Variants in KLF8 observed in about 807,000 individuals in gnomAD.
The protein encoded by KLF8 is Krueppel-like factor 8.
A neutral mutation model predicts 18.2 loss-of-function variants in KLF8; 10 were observed. The ratio of observed to expected loss-of-function variants is 0.55; its 90% CI spans 0.34 to 0.93. KLF8 has a LOEUF of 0.93. Among genes scored for constraint, KLF8 ranks in the 40% least tolerant of loss-of-function variants. The probability of loss-of-function intolerance (pLI) is 0.02; values close to 1 mark genes in which losing one functional copy is unlikely to be tolerated. For missense variants in KLF8, 264 were observed against 277.9 expected (o/e 0.95, Z 0.36); for synonymous variants, 109 against 97.3 (o/e 1.12, Z -0.71).
At chrX:56,078,439 T>G in the KLF8 span, among the ~76,000 whole-genome samples, 3 of 112,275 alleles carry the variant, frequency 2.7e-5, no homozygotes, top group Non-Finnish European at 5.6e-5. Context: ...TATGCTGGAT[T>G]ACATTTATTG....
the KLF8 span, among the ~76,000 whole-genome samples, chrX:56,159,772 C>G: frequency 1.8e-5 from 2 of 111,019 alleles, no homozygotes; most frequent in Non-Finnish European, 3.8e-5. Context: ...TTTGATTCTT[C>G]TCTCTTTTCT....
chrX:55,952,943 A>T, the KLF8 span, among the ~76,000 whole-genome samples: 1 of 111,981 alleles, frequency 8.9e-6, no homozygotes, highest in African/African-American at 3.2e-5. Context: ...TGAGGTGCAT[A>T]GAGATTGTGA....
At chrX:56,089,417 C>G in the KLF8 span, among the ~76,000 whole-genome samples, 1 of 111,881 alleles carries the variant, frequency 8.9e-6, no homozygotes, top group Non-Finnish European at 1.9e-5. Flanking sequence ...TTAAATAATT[C>G]AAGTCTGTGC....
At chrX:56,164,729 C>CTT in the KLF8 span, among the ~76,000 whole-genome samples, 30 of 51,899 alleles carry the variant, frequency 5.8e-4, no homozygotes, top group Non-Finnish European at 8.0e-4. Flanking sequence ...CTTGTTATCT[C>CTT]TTTTTTTTTT....
the KLF8 span, among the ~76,000 whole-genome samples, chrX:56,176,403 T>C: frequency 1.8e-5 from 2 of 111,991 alleles, no homozygotes; most frequent in African/African-American, 6.5e-5. Flanking sequence ...TTGAATATTC[T>C]TTTCTTTTAA....
chrX:56,146,323 C>A, the KLF8 span, among the ~76,000 whole-genome samples: 1 of 111,835 alleles, frequency 8.9e-6, no homozygotes, highest in Non-Finnish European at 1.9e-5. Flanking sequence ...AAATGCCCAT[C>A]AATGATAGAC....
chrX:56,040,800 C>CTT, the KLF8 span, among the ~76,000 whole-genome samples: 1 of 6,038 alleles, frequency 1.7e-4, no homozygotes, highest in Non-Finnish European at 4.6e-4. Context: ...ATGATACCAG[C>CTT]TTTTTTTTTT....
In KLF8 at chrX:56,269,444, A is replaced by G; in HGVS notation, c.713A>G (p.Glu238Gly). The G allele has an allele frequency of 5.0e-6, 6 of 1,208,719 alleles. No homozygotes were observed. The highest frequency in any genetic ancestry group is 6.7e-6 in the Non-Finnish European group (6 of 894,220). ...IPSDSEESTI[E>G]SGSSALQSLQ... Reference sequence around the variant, plus strand: ...AGTGACAGTGAGGAGAGTACAATTGAGAGTGGATCCTCAGCCTTGCAGAGT... The same window carrying G: ...AGTGACAGTGAGGAGAGTACAATTGGGAGTGGATCCTCAGCCTTGCAGAGT... The change falls in exon 4 of 6, where the codon GAG becomes GGG. Residue 238 changes from glutamate to glycine, a missense_variant. Physicochemically the swap from Glu to Gly is moderately conservative, Grantham distance 98 (BLOSUM62 -2). Transcript: ENST00000468660.
intron 4 of KLF8, among the ~76,000 whole-genome samples, 168 bp from the exon 5 acceptor site, chrX:56,270,014 G>C (rs2067030070): frequency 8.9e-6 from 1 of 111,747 alleles, no homozygotes; most frequent in Non-Finnish European, 1.9e-5. Flanking sequence ...GAATGGCCTA[G>C]TTGACAGAAT....
chrX:56,142,165 C>T, the KLF8 span, among the ~76,000 whole-genome samples: 2 of 111,333 alleles, frequency 1.8e-5, no homozygotes, highest in African/African-American at 6.5e-5. Flanking sequence ...ACTATCTTTT[C>T]GTTTGTTATT....
the KLF8 span, among the ~76,000 whole-genome samples, chrX:56,068,253 G>A: frequency 3.6e-5 from 4 of 111,464 alleles, no homozygotes; most frequent in Admixed American, 3.8e-4. Flanking sequence ...GAAAATACCC[G>A]GATGGCAGAG....
At chrX:55,956,965 A>G in the KLF8 span, among the ~76,000 whole-genome samples, 2 of 111,588 alleles carry the variant, frequency 1.8e-5, no homozygotes, top group African/African-American at 3.3e-5. Context: ...CCAAGAAATC[A>G]TTGTCAAGTT....
the KLF8 span, among the ~76,000 whole-genome samples, chrX:56,082,651 G>C: frequency 9.1e-6 from 1 of 109,836 alleles, no homozygotes; most frequent in African/African-American, 3.3e-5. Flanking sequence ...ATTCTGTTTT[G>C]CTTCCTCAGA....
the KLF8 span, among the ~76,000 whole-genome samples, chrX:56,055,311 A>G: frequency 8.9e-6 from 1 of 111,869 alleles, no homozygotes; most frequent in African/African-American, 3.2e-5. Flanking sequence ...TCTGAAAATT[A>G]TCTTATTTTC....
At chrX:56,099,380 G>C in the KLF8 span, among the ~76,000 whole-genome samples, 1 of 110,971 alleles carries the variant, frequency 9.0e-6, no homozygotes, top group Non-Finnish European at 1.9e-5. Context: ...TCTCTCCTCA[G>C]ACCTCTCTAT....
chrX:56,262,225 A>G (rs1423997027), intron 2 of KLF8, among the ~76,000 whole-genome samples: 1 of 112,224 alleles, frequency 8.9e-6, no homozygotes, highest in Non-Finnish European at 1.9e-5. Flanking sequence ...AGGACAACTA[A>G]TGATGGCCTG....
the KLF8 span, among the ~76,000 whole-genome samples, chrX:55,963,834 A>G: frequency 8.9e-6 from 1 of 112,357 alleles, no homozygotes. Context: ...TCATCTGCAC[A>G]TGACACATAC....
At chrX:56,197,672 G>A in the KLF8 span, among the ~76,000 whole-genome samples, 1 of 111,865 alleles carries the variant, frequency 8.9e-6, no homozygotes, top group South Asian at 3.7e-4. Context: ...AAGAGGGACT[G>A]GCACCATTCC....
the KLF8 span, among the ~76,000 whole-genome samples, chrX:56,026,106 G>A: frequency 2.7e-5 from 3 of 112,203 alleles, no homozygotes; most frequent in African/African-American, 9.7e-5. Flanking sequence ...TCCAGGCTTG[G>A]TTTGGCCTCC....
Sources: allele counts gnomAD v4.1 joint callset (sites outside exome capture counted in the v4.1 genomes callset), GRCh38; gene constraint gnomAD v4.1.1; transcripts MANE v1.5; gene names NCBI Gene and HGNC (gene_info 2026-07-23, HGNC 2026-07-21).